CTTNBP2: variants seen among roughly 807,000 people sequenced by gnomAD.
CTTNBP2 encodes cortactin-binding protein 2.
CTTNBP2 carries 108 observed loss-of-function variants against 156.9 expected under a neutral mutation model. The observed-to-expected ratio is 0.69, with a 90% CI of 0.59 to 0.81. The LOEUF (loss-of-function observed/expected upper bound fraction) is 0.81, where lower values mean the gene tolerates loss of function less well. Among genes scored for constraint, CTTNBP2 ranks in the 30% least tolerant of loss-of-function variants. The pLI, the probability that CTTNBP2 is intolerant of heterozygous loss-of-function variation, is 0.00. For missense variants in CTTNBP2, 1,924 were observed against 2,035.4 expected (o/e 0.95, Z 1.05); for synonymous variants, 767 against 751.8 (o/e 1.02, Z -0.33).
intron 19 of CTTNBP2, among the ~76,000 whole-genome samples, chr7:117,724,040 T>C (rs576187987): frequency 1.2e-4 from 19 of 152,230 alleles, no homozygotes; most frequent in African/African-American, 4.6e-4. Context: ...GGAATATATA[T>C]ATTTTTTACC....
intron 14 of CTTNBP2, among the ~76,000 whole-genome samples, chr7:117,737,978 A>G (rs897264355): frequency 3.3e-5 from 5 of 152,228 alleles, no homozygotes; most frequent in African/African-American, 1.2e-4. Flanking sequence ...AGGTCAGAAT[A>G]GTTATAAAAG....
At chr7:117,861,678 G>A (rs982435269) in intron 1 of CTTNBP2, among the ~76,000 whole-genome samples, 3 of 152,034 alleles carry the variant, frequency 2.0e-5, no homozygotes, top group Admixed American at 2.0e-4. Context: ...AGAAAGCATG[G>A]ATGTATTCCT....
chr7:117,846,332 G>A (rs1301952146), intron 2 of CTTNBP2, among the ~76,000 whole-genome samples: 1 of 152,124 alleles, frequency 6.6e-6, no homozygotes, highest in Non-Finnish European at 1.5e-5. Context: ...TAAAAAAAAT[G>A]AGAAATATAA....
chr7:117,717,394 T>C (rs1233001013), intron 22 of CTTNBP2, among the ~76,000 whole-genome samples: 3 of 151,792 alleles, frequency 2.0e-5, no homozygotes, highest in Non-Finnish European at 2.9e-5. Context: ...TTAACTCTAA[T>C]TTTCTAAAAT....
At chr7:117,849,322 C>T (rs185906904) in intron 2 of CTTNBP2, among the ~76,000 whole-genome samples, 3 of 152,298 alleles carry the variant, frequency 2.0e-5, no homozygotes, top group East Asian at 1.9e-4. Flanking sequence ...CTTGTGGAAA[C>T]ACGGAATGGA....
At chr7:117,763,152 A>G (rs546975392) in intron 9 of CTTNBP2, among the ~76,000 whole-genome samples, 13 of 152,288 alleles carry the variant, frequency 8.5e-5, no homozygotes, top group East Asian at 7.7e-4. Flanking sequence ...TGTTCATTTT[A>G]TCTCTTAATG....
intron 2 of CTTNBP2, among the ~76,000 whole-genome samples, chr7:117,859,640 C>T (rs1206304130): frequency 1.3e-5 from 2 of 152,190 alleles, no homozygotes; most frequent in Non-Finnish European, 1.5e-5. Context: ...TTACATGCTG[C>T]CTCAGCATTT....
intron 7 of CTTNBP2, among the ~76,000 whole-genome samples, chr7:117,779,646 C>CA (rs1338335834): frequency 4.0e-5 from 6 of 150,482 alleles, no homozygotes; most frequent in Non-Finnish European, 5.9e-5. Flanking sequence ...CTCAGATTTT[C>CA]AAAAAATAGG....
chr7:117,791,188 G>C lies in CTTNBP2; in HGVS notation c.2008C>G (p.Pro670Ala). 6.2e-7 allele frequency: 1 copy of C among 1,614,180 alleles called. No individual in the cohort carries two copies. The highest frequency in any genetic ancestry group is 8.5e-7 in the Non-Finnish European group (1 of 1,180,040). ...TTIAFCSSIN[P>A]VSASSCRPGA... ...GGTCTACAGGATGAGGCACTAACGG[G>C]GTTTATGGAAGAGCAAAAGGCAATG... The change falls in exon 4 of 23, where the codon CCC (proline) becomes GCC (alanine). Residue 670 changes from proline (P) to alanine (A), a missense_variant. Physicochemically the swap from Pro to Ala is conservative, Grantham distance 27. Coordinates refer to ENST00000160373, the MANE Select transcript of CTTNBP2 (RefSeq NM_033427.3).
At chr7:117,865,671 C>CAAAAAAAAAAAAAAA (rs61533705) in intron 1 of CTTNBP2, among the ~76,000 whole-genome samples, 8 of 74,508 alleles carry the variant, frequency 1.1e-4, no homozygotes, top group South Asian at 1.0e-3. Flanking sequence ...ACTCCATCTC[C>CAAAAAAAAAAAAAAA]AAAAAAAAAA....
chr7:117,817,759 A>T (rs913886699), intron 2 of CTTNBP2, among the ~76,000 whole-genome samples: 1 of 152,098 alleles, frequency 6.6e-6, no homozygotes, highest in African/African-American at 2.4e-5. Flanking sequence ...TAACAAAAAA[A>T]ACTTTTATTG....
chr7:117,728,371 G>T, intron 16 of CTTNBP2, 104 bp from the exon 17 acceptor site: 1 of 830,202 alleles, frequency 1.2e-6, no homozygotes, highest in Non-Finnish European at 1.9e-6. Context: ...TTGAAAAGTA[G>T]CTGAATCTTA....
chr7:117,719,518 A>G lies in CTTNBP2; in HGVS notation c.4630T>C (p.Ser1544Pro). ...GTACTGCTCACCTTGCTGATATCAGACTCAGACTTGCTGGAGCACATGCTC... is the reference window on the plus strand; with the variant it reads ...GTACTGCTCACCTTGCTGATATCAGGCTCAGACTTGCTGGAGCACATGCTC... Reference protein sequence around the residue: ...LQSMCSSKSESDISKIADSRD... With the variant: ...LQSMCSSKSEPDISKIADSRD... The change falls in exon 21 of 23, where the codon TCT (serine) becomes CCT (proline). Residue 1544 changes from serine to proline, a missense_variant. Physicochemically the swap from Ser to Pro is moderately conservative, Grantham distance 74. Transcript: ENST00000160373. 6.2e-7 allele frequency: 1 copy of G among 1,613,898 alleles called. No individual in the cohort carries two copies. The highest frequency in any genetic ancestry group is 8.5e-7 in the Non-Finnish European group (1 of 1,179,876).
Position 117,728,245 on chromosome 7 carries a change from G to T in CTTNBP2, c.3899C>A (p.Pro1300His), listed in dbSNP as rs374131377. 21 of 1,613,750 alleles carry T rather than the reference G, an allele frequency of 1.3e-5. 1 individual carries two copies. The South Asian group carries it at 1.3e-4, about 10-fold the overall frequency. ...VNKFKGQAPS[P>H]CDPVCKIVDW... Reference sequence around the variant, plus strand: ...GACAATCTTGCACACAGGATCGCAGGGGGAGGGCGCCTGACCTTTGAACTA... The same window carrying T: ...GACAATCTTGCACACAGGATCGCAGTGGGAGGGCGCCTGACCTTTGAACTA... The change falls in exon 17 of 23, where the codon CCC (proline) becomes CAC (histidine). Residue 1300 changes from proline (P) to histidine (H), a missense_variant. Pro to His is a moderately conservative substitution (Grantham distance 77). Coordinates refer to ENST00000160373, the MANE Select transcript of CTTNBP2 (RefSeq NM_033427.3).
At position 117,861,308 on chromosome 7, in the gene CTTNBP2, C is replaced by T; in HGVS notation, c.90G>A (p.Glu30=). 1 of 1,610,084 alleles carries T rather than the reference C, an allele frequency of 6.2e-7. No individual in the cohort carries two copies. Among genetic ancestry groups the T allele is most frequent in the Admixed American group, 1.7e-5 (1 of 59,810 alleles). Residue 30 remains glutamate, a synonymous_variant, in exon 2 of 23, where the codon GAG becomes GAA. Coordinates refer to ENST00000160373, the MANE Select transcript of CTTNBP2 (RefSeq NM_033427.3). ...ATTTACTGAGAGTATCCACATCAAA[C>T]TCTTTTTTCTGTAACACATAAAAAA... ...AGAAAEAAKK[E]FDVDTLSKSE...
chr7:117,742,043 A>T (rs983645248), intron 14 of CTTNBP2, among the ~76,000 whole-genome samples: 10 of 152,350 alleles, frequency 6.6e-5, no homozygotes, highest in African/African-American at 2.4e-4. Context: ...TTGCCTTGAC[A>T]TACAGTTGGG....
chr7:117,746,135 T>C, intron 12 of CTTNBP2, 36 bp from the exon 13 acceptor site: 1 of 1,467,498 alleles, frequency 6.8e-7, no homozygotes, highest in Non-Finnish European at 9.5e-7. Context: ...AGGGTGAAGA[T>C]GCTAAATTGA....
Position 117,742,488 on chromosome 7 carries a change from G to A in CTTNBP2, c.3535+3343C>T, listed in dbSNP as rs75713521. ...AGTTCACTGGGCAATGGAGAGATGC[G>A]GGATGGGGAGGGGCAGAAATCACAG... On this transcript the variant is annotated intron_variant, in intron 14 of 22. Coordinates refer to ENST00000160373, the MANE Select transcript of CTTNBP2 (RefSeq NM_033427.3). Among the ~76,000 whole-genome samples, 1,224 of 152,266 alleles carry A rather than the reference G, an allele frequency of 8.0e-3. 17 individuals are homozygous for A. Among genetic ancestry groups the A allele is most frequent in the African/African-American group, 0.027 (1,126 of 41,548 alleles).
At chr7:117,871,810 CACACACA>C (rs1172417250) in intron 1 of CTTNBP2, 5 of 384,432 alleles carry the variant, frequency 1.3e-5, no homozygotes, top group Non-Finnish European at 1.4e-5. Context: ...CACACACACA[CACACACA>C]CCCTCTTTCT....
Sources: allele counts gnomAD v4.1 joint callset (sites outside exome capture counted in the v4.1 genomes callset), GRCh38; gene constraint gnomAD v4.1.1; transcripts MANE v1.5; gene names NCBI Gene and HGNC (gene_info 2026-07-23, HGNC 2026-07-21).